Variants in AGBL4 observed in about 807,000 individuals in gnomAD.
AGBL4 encodes the protein cytosolic carboxypeptidase 6.
AGBL4 carries 58 observed loss-of-function variants against 66.4 expected under a neutral mutation model. The ratio of observed to expected loss-of-function variants is 0.87; its 90% confidence interval spans 0.71 to 1.09. AGBL4 has a LOEUF of 1.09. AGBL4 is among the 50% of genes least tolerant of loss of function. AGBL4 has a pLI of 0.00. For synonymous variants in AGBL4, 234 were observed against 222.9 expected (o/e 1.05, Z -0.44); for missense variants, 579 against 631.0 (o/e 0.92, Z 0.88).
chr1:49,583,861 T>A (rs768878068), intron 3 of AGBL4, among the ~76,000 whole-genome samples: 2 of 152,144 alleles, frequency 1.3e-5, no homozygotes, highest in Non-Finnish European at 2.9e-5. Flanking sequence ...GTAGAGTGGA[T>A]CAATCTGCCC....
rs370269073 is a variant in AGBL4 at position 49,455,163 on chromosome 1, G to GTATAGTATGTACA, written c.283-209300_283-209299insTGTACATACTATA. 1.4e-3 allele frequency among the ~76,000 whole-genome samples: 210 copies of GTATAGTATGTACA among 151,690 alleles called. 1 individual carries two copies. Among genetic ancestry groups the GTATAGTATGTACA allele is most frequent in the African/African-American group, 4.7e-3 (197 of 41,478 alleles). On this transcript the variant is annotated intron_variant, in intron 3 of 13. Coordinates refer to ENST00000371839, the MANE Select transcript of AGBL4 (RefSeq NM_032785.4). Reference sequence around the variant, plus strand: ...TCTCCAAATCTATGTACATATGTATGTATGTATGAAAAGTATGTATATATG... The same window carrying GTATAGTATGTACA: ...TCTCCAAATCTATGTACATATGTATGTATAGTATGTACATATGTATGAAAAGTATGTATATATG...
At chr1:50,019,270 T>TCC (rs1329884553) in intron 1 of AGBL4, among the ~76,000 whole-genome samples, 1 of 38,722 alleles carries the variant, frequency 2.6e-5, no homozygotes. Context: ...ATATTCTCTC[T>TCC]CTCTCTCTCT....
chr1:50,007,099 A>C (rs965268985), intron 1 of AGBL4, among the ~76,000 whole-genome samples: 2 of 152,134 alleles, frequency 1.3e-5, no homozygotes, highest in South Asian at 4.1e-4. Flanking sequence ...TAGAGTTTTT[A>C]TTAGTTTTTC....
At chr1:49,057,788 G>A (rs1261577886) in intron 4 of AGBL4, among the ~76,000 whole-genome samples, 2 of 151,914 alleles carry the variant, frequency 1.3e-5, no homozygotes, top group Non-Finnish European at 2.9e-5. Context: ...ATTTGTATGT[G>A]GGTAGGGACA....
chr1:49,356,145 G>A (rs545690009), intron 3 of AGBL4, among the ~76,000 whole-genome samples: 1 of 152,244 alleles, frequency 6.6e-6, no homozygotes, highest in Non-Finnish European at 1.5e-5. Context: ...TCCTTCCAAA[G>A]TACTCCCCCA....
chr1:48,973,545 G>A (rs561235746), intron 5 of AGBL4, among the ~76,000 whole-genome samples: 3 of 152,212 alleles, frequency 2.0e-5, no homozygotes, highest in South Asian at 2.1e-4. Flanking sequence ...ATAGAACAGG[G>A]CCTTCCACTG....
chr1:49,226,880 A>G (rs1177389458), intron 4 of AGBL4, among the ~76,000 whole-genome samples: 1 of 152,214 alleles, frequency 6.6e-6, no homozygotes, highest in Non-Finnish European at 1.5e-5. Context: ...TATCTCTCAC[A>G]GTTCTGGAAG....
In AGBL4 at chr1:49,627,944, G is replaced by A. The variant is rs150021333; in HGVS notation, c.282+69369C>T. On this transcript the variant is annotated intron_variant, in intron 3 of 13. Transcript: ENST00000371839. ...GGCAGTTACTTATGACCTCTGATCC[G>A]CTTTAACTCAATCCCAGATATCCAA... 5.9e-5 allele frequency among the ~76,000 whole-genome samples: 9 copies of A among 152,116 alleles called. No individual in the cohort carries two copies. The South Asian group carries it at 8.3e-4, about 14-fold the overall frequency.
chr1:49,272,649 T>A (rs1280445059), intron 3 of AGBL4, among the ~76,000 whole-genome samples: 1 of 152,174 alleles, frequency 6.6e-6, no homozygotes, highest in Admixed American at 6.5e-5. Context: ...ACATTTCCCA[T>A]TTAAAAAGAC....
chr1:49,392,933 AAAGT>A (rs111688800), intron 3 of AGBL4, among the ~76,000 whole-genome samples: 2 of 152,190 alleles, frequency 1.3e-5, no homozygotes, highest in Non-Finnish European at 2.9e-5. Context: ...GTGTGCCTTC[AAAGT>A]AAGTATTATA....
At chr1:49,613,693 T>C (rs1645198258) in intron 3 of AGBL4, among the ~76,000 whole-genome samples, 1 of 152,186 alleles carries the variant, frequency 6.6e-6, no homozygotes, top group African/African-American at 2.4e-5. Context: ...GACCATATAG[T>C]TGCAAGAAAA....
At chr1:49,229,352 AG>A (rs1650138691) in intron 4 of AGBL4, among the ~76,000 whole-genome samples, 1 of 152,210 alleles carries the variant, frequency 6.6e-6, no homozygotes, top group Admixed American at 6.5e-5. Context: ...AAAAGACGTA[AG>A]AAAGGAAGAA....
chr1:49,680,646 A>AT (rs111342049), intron 3 of AGBL4, among the ~76,000 whole-genome samples: 1 of 151,828 alleles, frequency 6.6e-6, no homozygotes, highest in African/African-American at 2.4e-5. Flanking sequence ...TCTTTCAAAA[A>AT]TTTTTTTTAA....
At chr1:48,871,045 T>C (rs1322059432) in intron 5 of AGBL4, among the ~76,000 whole-genome samples, 2 of 152,184 alleles carry the variant, frequency 1.3e-5, no homozygotes, top group Non-Finnish European at 2.9e-5. Context: ...TCATTTGAGA[T>C]TGCCAATGAA....
intron 2 of AGBL4, among the ~76,000 whole-genome samples, chr1:49,734,660 G>A (rs1190694215): frequency 6.6e-6 from 1 of 151,960 alleles, no homozygotes; most frequent in Non-Finnish European, 1.5e-5. Flanking sequence ...CAGGACTGAA[G>A]AACCAGTATA....
At chr1:48,532,401 A>T (rs1437730169), downstream of AGBL4, among the ~76,000 whole-genome samples, 1 of 152,202 alleles carries the variant, frequency 6.6e-6, no homozygotes. Flanking sequence ...TAGAACCCAA[A>T]GTTGCCTGGC....
intron 3 of AGBL4, among the ~76,000 whole-genome samples, chr1:49,663,101 AAAC>A (rs1646301040): frequency 6.6e-6 from 1 of 152,150 alleles, no homozygotes. Flanking sequence ...ATCACTCTTA[AAAC>A]ACACTGGAGG....
At chr1:49,588,988 G>C (rs1206698885) in intron 3 of AGBL4, among the ~76,000 whole-genome samples, 2 of 152,092 alleles carry the variant, frequency 1.3e-5, no homozygotes, top group Non-Finnish European at 2.9e-5. Context: ...AGGGATGCAA[G>C]GTAAATTCTA....
chr1:49,112,578 C>T (rs559256899), intron 4 of AGBL4, among the ~76,000 whole-genome samples: 1 of 152,206 alleles, frequency 6.6e-6, no homozygotes, highest in Admixed American at 6.5e-5. Context: ...TGGACTCAAT[C>T]CTCTCAAACC....
Sources: allele counts gnomAD v4.1 joint callset (sites outside exome capture counted in the v4.1 genomes callset), GRCh38; gene constraint gnomAD v4.1.1; transcripts MANE v1.5; gene names NCBI Gene and HGNC (gene_info 2026-07-23, HGNC 2026-07-21).